The following SNX18 variants were observed in gnomAD, a reference collection of about 807,000 sequenced individuals.
The protein encoded by SNX18 is sorting nexin-18.
A neutral mutation model predicts 48.7 loss-of-function variants in SNX18; 35 were observed. The observed-to-expected ratio is 0.72, with a 90% CI of 0.55 to 0.95. The LOEUF (loss-of-function observed/expected upper bound fraction) is 0.95, where lower values mean the gene tolerates loss of function less well. SNX18 is among the 40% of genes least tolerant of loss of function. SNX18 has a pLI of 0.00. For missense variants in SNX18, 824 were observed against 871.0 expected, an observed-to-expected ratio of 0.95 and a Z score of 0.68; for synonymous variants, 492 against 384.7, an observed-to-expected ratio of 1.28 and a Z score of -3.26.
rs1363678576 is a variant in SNX18, at chr5:54,518,221, C to T, written c.269C>T (p.Pro90Leu). ...NVPPGGFEPL[P>L]VAPPASFKPP... Reference sequence around the variant, plus strand: ...CCCCCCGGGGGCTTCGAGCCCCTGCCTGTCGCGCCCCCCGCCTCCTTCAAG... The same window carrying T: ...CCCCCCGGGGGCTTCGAGCCCCTGCTTGTCGCGCCCCCCGCCTCCTTCAAG... The change falls in exon 1 of 2, where the codon CCT becomes CTT. Residue 90 changes from proline (P) to leucine (L), a missense_variant. By Grantham distance (98) the Pro-to-Leu change is moderately conservative. Transcript: ENST00000381410. 7.1e-7 allele frequency: 1 copy of T among 1,410,064 alleles called. No homozygotes were observed. The highest frequency in any genetic ancestry group is 3.0e-5 in the East Asian group (1 of 33,344). The allele number at this position is 1,410,064 out of a possible 1,614,324, so 87.3% of individuals were successfully genotyped here. A position where few individuals can be genotyped will look rare whatever the true frequency, so the allele number is the denominator to read the frequency against.
chr5:54,546,930 T>C (rs1561124637), downstream of SNX18, among the ~76,000 whole-genome samples: 2 of 152,236 alleles, frequency 1.3e-5, no homozygotes, highest in Non-Finnish European at 2.9e-5. Flanking sequence ...TTGGTTGCCA[T>C]AAATAGGCGA....
the SNX18 span, among the ~76,000 whole-genome samples, chr5:54,574,160 G>GACT: frequency 6.6e-6 from 1 of 152,218 alleles, no homozygotes; most frequent in Non-Finnish European, 1.5e-5. Flanking sequence ...CTACAGGCTT[G>GACT]ACTACTTGCA....
At chr5:54,604,995 G>A in the SNX18 span, among the ~76,000 whole-genome samples, 9 of 152,158 alleles carry the variant, frequency 5.9e-5, no homozygotes, top group Non-Finnish European at 1.0e-4. Context: ...ATACCTGAAG[G>A]TAGACACAGG....
chr5:54,626,329 C>CA, the SNX18 span, among the ~76,000 whole-genome samples: 1 of 151,254 alleles, frequency 6.6e-6, no homozygotes, highest in South Asian at 2.1e-4. Flanking sequence ...TTTTCTTCTT[C>CA]TTTTTTTTTG....
At chr5:54,532,197 G>T (rs914168196) in intron 1 of SNX18, among the ~76,000 whole-genome samples, 1 of 151,916 alleles carries the variant, frequency 6.6e-6, no homozygotes, top group Admixed American at 6.6e-5. Flanking sequence ...AGAAAATAAG[G>T]TTTTACCTTT....
rs1176396426 is a variant in SNX18 at position 54,543,574 on chromosome 5, A to G, written c.*142A>G. 20 of 910,160 alleles carry G rather than the reference A, an allele frequency of 2.2e-5. No homozygotes were observed. Among genetic ancestry groups the G allele is most frequent in the Non-Finnish European group, 3.3e-5 (20 of 602,392 alleles). 56.4% of individuals were successfully genotyped at this position (910,160 alleles called of 1,614,324 possible). On this transcript the variant is annotated 3_prime_UTR_variant, in exon 2 of 2. Coordinates refer to ENST00000381410, the MANE Select transcript of SNX18 (RefSeq NM_001102575.2). The stretch of plus-strand genomic sequence containing the variant: ...GTTCATCTGAAACCCAGCTGAATTT[A>G]TAATTATGTAGGAAATAAACAGTTA...
the SNX18 span, among the ~76,000 whole-genome samples, chr5:54,588,678 C>T: frequency 6.6e-6 from 1 of 152,132 alleles, no homozygotes; most frequent in African/African-American, 2.4e-5. Context: ...GATGCGTGCA[C>T]CTGTTGAGCA....
chr5:54,614,892 C>T, the SNX18 span, among the ~76,000 whole-genome samples: 3 of 152,110 alleles, frequency 2.0e-5, no homozygotes, highest in Middle Eastern at 3.2e-3. Flanking sequence ...CTTAAACTGT[C>T]GTACACACTA....
At chr5:54,567,589 G>A in the SNX18 span, among the ~76,000 whole-genome samples, 1 of 152,144 alleles carries the variant, frequency 6.6e-6, no homozygotes, top group Non-Finnish European at 1.5e-5. Context: ...AGAGGAGGGA[G>A]CTGGAAGGAA....
chr5:54,618,524 T>G, the SNX18 span, among the ~76,000 whole-genome samples: 38 of 152,196 alleles, frequency 2.5e-4, no homozygotes, highest in African/African-American at 9.2e-4. Context: ...GCCTGTCTCC[T>G]TGGCTACAAA....
the SNX18 span, among the ~76,000 whole-genome samples, chr5:54,556,760 G>C: frequency 2.0e-5 from 3 of 152,138 alleles, no homozygotes; most frequent in Non-Finnish European, 2.9e-5. Flanking sequence ...GAACTTGCAG[G>C]ATTGGGGGGT....
Position 54,519,117 on chromosome 5 carries a change from G to A in SNX18, c.1165G>A (p.Ala389Thr), listed in dbSNP as rs1380704079. The A allele has an allele frequency of 6.2e-7, 1 of 1,614,148 alleles. No individual in the cohort carries two copies. The highest frequency in any genetic ancestry group is 8.5e-7 in the Non-Finnish European group (1 of 1,180,016). ...LTCPSSTDEKAWKQGKRKAEK... is the reference protein window; with the variant it reads ...LTCPSSTDEKTWKQGKRKAEK... ...GTGCCCCAGCAGCACCGACGAGAAA[G>A]CCTGGAAGCAGGGCAAGAGGAAGGC... The change falls in exon 1 of 2, where the codon GCC becomes ACC. Residue 389 changes from alanine (A) to threonine (T), a missense_variant. Physicochemically the swap from Ala to Thr is moderately conservative, Grantham distance 58 (BLOSUM62 0). Coordinates refer to ENST00000381410, the MANE Select transcript of SNX18 (RefSeq NM_001102575.2).
intron 1 of SNX18, among the ~76,000 whole-genome samples, chr5:54,539,109 T>C (rs1383490949): frequency 1.3e-5 from 2 of 152,184 alleles, no homozygotes; most frequent in Non-Finnish European, 2.9e-5. Flanking sequence ...CATAGCTCAT[T>C]GCAGCCTGGA....
At chr5:54,553,052 T>C in the SNX18 span, among the ~76,000 whole-genome samples, 3 of 117,866 alleles carry the variant, frequency 2.5e-5, no homozygotes, top group Admixed American at 2.6e-4. Flanking sequence ...ATGGCTGGAG[T>C]GGGAGAAGGG....
At chr5:54,588,329 T>TA in the SNX18 span, among the ~76,000 whole-genome samples, 1 of 44,588 alleles carries the variant, frequency 2.2e-5, no homozygotes, top group African/African-American at 9.2e-5. Flanking sequence ...TTTTTTTTTT[T>TA]TTTTTTTTTT....
rs186768080 is a variant in SNX18 at position 54,531,282 on chromosome 5, G to T, written c.1621+11709G>T. 9.2e-5 allele frequency among the ~76,000 whole-genome samples: 14 copies of T among 152,216 alleles called. 1 individual carries two copies. The highest frequency in any genetic ancestry group is 6.5e-4 in the Admixed American group (10 of 15,284). ...GGCGCTGGCTCTCCTGAGGAATCTA[G>T]TGTTACCTTAGAGGTTTTAAGTTTG... On this transcript the variant is annotated intron_variant, in intron 1 of 1. Coordinates refer to ENST00000381410, the MANE Select transcript of SNX18 (RefSeq NM_001102575.2).
the SNX18 span, among the ~76,000 whole-genome samples, chr5:54,574,674 A>T: frequency 0.18 from 26,917 of 152,016 alleles, 2,543 homozygotes; most frequent in African/African-American, 0.25. Flanking sequence ...ATGGTAATGG[A>T]AAGGAAGGGG....
In SNX18 at chr5:54,518,307, T is replaced by G. The variant is rs930384803; in HGVS notation, c.355T>G (p.Phe119Val). ...ACAGCAGGCGCCGCCTCCGAGCACC[T>G]TCCAGCCGCCCGGCGCGGGCTTCCC... ...QPQQAPPPST[F>V]QPPGAGFPYG... Residue 119 changes from phenylalanine to valine, a missense_variant, in exon 1 of 2, where the codon TTC (phenylalanine) becomes GTC (valine). Coordinates refer to ENST00000381410, the MANE Select transcript of SNX18 (RefSeq NM_001102575.2). 4 of 1,532,038 alleles carry G rather than the reference T, an allele frequency of 2.6e-6. No individual in the cohort carries two copies. The highest frequency in any genetic ancestry group is 3.5e-6 in the Non-Finnish European group (4 of 1,142,466). 94.9% of individuals were successfully genotyped at this position (1,532,038 alleles called of 1,614,324 possible).
the SNX18 span, among the ~76,000 whole-genome samples, chr5:54,591,864 C>T: frequency 1.3e-5 from 2 of 152,170 alleles, no homozygotes; most frequent in Non-Finnish European, 2.9e-5. Context: ...CCCCAATGAG[C>T]TTTGCATGTG....
Sources: gnomAD v4.1 joint callset for allele counts (sites outside exome capture counted in the v4.1 genomes callset) on GRCh38, gnomAD v4.1.1 for gene constraint, MANE v1.5 for transcripts, NCBI Gene and HGNC (gene_info 2026-07-23, HGNC 2026-07-21) for gene names.